The following NBAS variants were observed in gnomAD, a reference collection of about 807,000 sequenced individuals.
NBAS encodes the protein NBAS subunit of NRZ tethering complex.
NBAS carries 219 observed loss-of-function variants against 302.5 expected under a neutral mutation model. That is an observed-to-expected ratio of 0.72 (90% CI 0.65 to 0.81). The LOEUF is 0.81. Ranked by LOEUF, NBAS falls within the 30% of genes least tolerant of loss-of-function variation. NBAS has a pLI of 0.00. For missense variants in NBAS, 2,932 were observed against 2,841.6 expected (o/e 1.03, Z -0.72); for synonymous variants, 1,118 against 1,021.6 (o/e 1.09, Z -1.80).
intron 35 of NBAS, among the ~76,000 whole-genome samples, chr2:15,337,964 G>A (rs1016035096): frequency 2.6e-5 from 4 of 152,122 alleles, no homozygotes; most frequent in East Asian, 3.9e-4. Flanking sequence ...TCAAAACCAC[G>A]TCATTGGTTC....
At chr2:14,837,660 A>G in the NBAS span, among the ~76,000 whole-genome samples, 20 of 151,666 alleles carry the variant, frequency 1.3e-4, no homozygotes, top group Non-Finnish European at 2.4e-4. Flanking sequence ...TAGAATACTT[A>G]ACTCCATTGA....
chr2:15,276,879 C>G lies in NBAS; in HGVS notation c.5361G>C (p.Leu1787=), dbSNP rs952287805. 3 of 1,614,056 alleles carry G rather than the reference C, an allele frequency of 1.9e-6. No individual in the cohort carries two copies. In the South Asian group the frequency reaches 3.3e-5, roughly 18 times the overall value. The change falls in exon 43 of 52, where the codon CTG becomes CTC. Residue 1787 remains leucine (L), a synonymous_variant. Coordinates refer to ENST00000281513, the MANE Select transcript of NBAS (RefSeq NM_015909.4). ...ATGCAACAACCTTAAACTTCTTCAGCAGTCGAATGTGGGTTTCTGGTTTAA... is the reference window on the plus strand; with the variant it reads ...ATGCAACAACCTTAAACTTCTTCAGGAGTCGAATGTGGGTTTCTGGTTTAA... ...CAIKPETHIR[L]LKKFKVVASG...
At chr2:15,152,655 G>A in the NBAS span, among the ~76,000 whole-genome samples, 1 of 152,240 alleles carries the variant, frequency 6.6e-6, no homozygotes, top group Non-Finnish European at 1.5e-5. Flanking sequence ...CTGGTTTAGA[G>A]TGCTATGCTG....
At chr2:15,104,559 T>C in the NBAS span, among the ~76,000 whole-genome samples, 1 of 152,062 alleles carries the variant, frequency 6.6e-6, no homozygotes, top group Non-Finnish European at 1.5e-5. Flanking sequence ...TTTTTGAGTA[T>C]ATACCCAATA....
chr2:15,088,856 C>T, the NBAS span, among the ~76,000 whole-genome samples: 7 of 152,330 alleles, frequency 4.6e-5, no homozygotes, highest in East Asian at 9.7e-4. Context: ...GCCCAGAAAC[C>T]GATTTGGATG....
intron 44 of NBAS, among the ~76,000 whole-genome samples, chr2:15,262,880 G>A (rs1009713356): frequency 3.3e-5 from 5 of 152,200 alleles, no homozygotes; most frequent in Non-Finnish European, 7.3e-5. Context: ...AAGGAACTCT[G>A]CGAGGTGATT....
the NBAS span, among the ~76,000 whole-genome samples, chr2:15,030,905 C>G: frequency 6.6e-6 from 1 of 152,100 alleles, no homozygotes; most frequent in Non-Finnish European, 1.5e-5. Flanking sequence ...CATTGAGAAC[C>G]ACTGCAAGAG....
intron 9 of NBAS, among the ~76,000 whole-genome samples, chr2:15,523,006 T>A (rs1662749789): frequency 6.6e-6 from 1 of 152,198 alleles, no homozygotes; most frequent in Non-Finnish European, 1.5e-5. Context: ...ACAAGATCGA[T>A]CATCTATCTG....
chr2:15,097,949 G>C, the NBAS span, among the ~76,000 whole-genome samples: 4 of 101,520 alleles, frequency 3.9e-5, no homozygotes, highest in Non-Finnish European at 1.8e-5. Flanking sequence ...ATATTATATT[G>C]TATATAATAT....
chr2:15,417,425 C>T, intron 24 of NBAS, 102 bp downstream of exon 24: 1 of 984,286 alleles, frequency 1.0e-6, no homozygotes, highest in Non-Finnish European at 1.5e-6. Context: ...ACTAACTTCT[C>T]AGGTCTGTAG....
chr2:15,064,302 CAA>C, the NBAS span, among the ~76,000 whole-genome samples: 11,201 of 131,034 alleles, frequency 0.085, 458 homozygotes, highest in East Asian at 0.2. Flanking sequence ...AGAAAAGACT[CAA>C]AAAAAAAAAA....
chr2:14,817,073 T>G, the NBAS span, among the ~76,000 whole-genome samples: 1 of 152,328 alleles, frequency 6.6e-6, no homozygotes, highest in Admixed American at 6.5e-5. Flanking sequence ...TGCAAATGTT[T>G]GTCATTTATC....
chr2:14,848,218 C>T, the NBAS span, among the ~76,000 whole-genome samples: 253 of 151,354 alleles, frequency 1.7e-3, 5 homozygotes, highest in African/African-American at 6.0e-3. Flanking sequence ...ACAGTGGGTG[C>T]GCGCACCATG....
At chr2:15,130,569 C>G in the NBAS span, among the ~76,000 whole-genome samples, 1,721 of 152,344 alleles carry the variant, frequency 0.011, 29 homozygotes, top group African/African-American at 0.04. Context: ...CCAATGAACA[C>G]AGGAGAATAT....
the NBAS span, among the ~76,000 whole-genome samples, chr2:14,892,827 A>T: frequency 6.6e-6 from 1 of 152,112 alleles, no homozygotes; most frequent in Non-Finnish European, 1.5e-5. Context: ...GATTTTTATC[A>T]TCTTATTTAG....
At chr2:15,112,248 AAAG>A in the NBAS span, among the ~76,000 whole-genome samples, 1 of 151,996 alleles carries the variant, frequency 6.6e-6, no homozygotes, top group East Asian at 1.9e-4. Flanking sequence ...AACTCAGAAA[AAAG>A]AGACATTTAA....
At chr2:15,486,006 A>G (rs1680612297) in intron 12 of NBAS, among the ~76,000 whole-genome samples, 1 of 152,210 alleles carries the variant, frequency 6.6e-6, no homozygotes, top group Non-Finnish European at 1.5e-5. Context: ...CTCAGAGGGC[A>G]GAGTCTGCCC....
chr2:14,830,679 C>A, the NBAS span, among the ~76,000 whole-genome samples: 423 of 152,234 alleles, frequency 2.8e-3, 4 homozygotes, highest in African/African-American at 9.7e-3. Context: ...GCCTTGTGAG[C>A]GTGCAGCTGT....
chr2:15,002,621 T>G, the NBAS span, among the ~76,000 whole-genome samples: 3 of 152,142 alleles, frequency 2.0e-5, no homozygotes, highest in African/African-American at 7.2e-5. Flanking sequence ...CCGCACAGGA[T>G]CCCACGGAGG....
Sources: allele counts gnomAD v4.1 joint callset (sites outside exome capture counted in the v4.1 genomes callset), GRCh38; gene constraint gnomAD v4.1.1; transcripts MANE v1.5; gene names NCBI Gene and HGNC (gene_info 2026-07-23, HGNC 2026-07-21).